ST6GAL2: variants seen among roughly 807,000 people sequenced by gnomAD.
The protein encoded by ST6GAL2 is beta-galactoside alpha-2,6-sialyltransferase 2.
Under a neutral mutation model 37.5 loss-of-function variants are expected in ST6GAL2, and 24 were observed. That is an observed-to-expected ratio of 0.64 (90% CI 0.46 to 0.90). ST6GAL2 has a LOEUF of 0.90. Among genes scored for constraint, ST6GAL2 ranks in the 40% least tolerant of loss-of-function variants. ST6GAL2 has a pLI of 0.00. For missense variants in ST6GAL2, 715 were observed against 712.7 expected, an observed-to-expected ratio of 1.00 and a Z score of -0.04; for synonymous variants, 306 against 295.1, an observed-to-expected ratio of 1.04 and a Z score of -0.38.
rs576219212 is a variant in ST6GAL2, at chr2:106,807,870, C to T, written c.1319-921G>A. ...CAATCTCCTGACCTCCTGCTCCCCC[C>T]ACCTCGGCCTCTCAAAGTGCTGGGA... On this transcript the variant is annotated intron_variant, in intron 5 of 5. Coordinates refer to ENST00000409382, the MANE Select transcript of ST6GAL2 (RefSeq NM_001142351.2). Among the ~76,000 whole-genome samples the T allele has an allele frequency of 1.9e-3, 296 of 152,196 alleles. 2 individuals carry two copies. The highest frequency in any genetic ancestry group is 1.9e-3 in the Non-Finnish European group (130 of 68,002).
At chr2:106,847,596 C>T (rs572697702) in intron 1 of ST6GAL2, among the ~76,000 whole-genome samples, 1 of 152,276 alleles carries the variant, frequency 6.6e-6, no homozygotes, top group South Asian at 2.1e-4. Flanking sequence ...CTTGCTAGCT[C>T]TGTGGTTCTG....
At chr2:106,859,162 A>G (rs1573291801) in intron 1 of ST6GAL2, among the ~76,000 whole-genome samples, 2 of 152,302 alleles carry the variant, frequency 1.3e-5, no homozygotes, top group Admixed American at 1.3e-4. Context: ...ACCTATGTTT[A>G]CAATGTCAAC....
intron 5 of ST6GAL2, among the ~76,000 whole-genome samples, chr2:106,818,063 A>G (rs1486391017): frequency 6.6e-6 from 1 of 152,082 alleles, no homozygotes; most frequent in Non-Finnish European, 1.5e-5. Flanking sequence ...TAAATACAAT[A>G]CCAGGTAGAA....
At position 106,806,642 on chromosome 2, in the gene ST6GAL2, G is replaced by A; in HGVS notation, c.*36C>T. The A allele has an allele frequency of 6.3e-7, 1 of 1,598,196 alleles. No individual in the cohort carries two copies. Among genetic ancestry groups the A allele is most frequent in the East Asian group, 2.2e-5 (1 of 44,706 alleles). ...TTTTGTGACTTTGAGTACAACAGTA[G>A]TACCTTATTGCACATTGATTCCCAA... is the stretch of plus-strand genomic sequence containing the variant. On this transcript the variant is annotated 3_prime_UTR_variant, in exon 6 of 6. Transcript: ENST00000409382.
intron 5 of ST6GAL2, among the ~76,000 whole-genome samples, chr2:106,811,762 A>G (rs1237235729): frequency 1.3e-5 from 2 of 152,202 alleles, no homozygotes; most frequent in Non-Finnish European, 2.9e-5. Context: ...ACCACCATTA[A>G]GGTCCTGTGT....
chr2:106,846,588 C>T (rs540739952), intron 1 of ST6GAL2, among the ~76,000 whole-genome samples: 26 of 152,324 alleles, frequency 1.7e-4, no homozygotes, highest in Admixed American at 1.5e-3. Flanking sequence ...TCAGATAAGA[C>T]TCTAGCATCT....
chr2:106,879,698 T>C (rs1287841017), intron 1 of ST6GAL2, among the ~76,000 whole-genome samples: 1 of 147,914 alleles, frequency 6.8e-6, no homozygotes, highest in Admixed American at 6.8e-5. Context: ...AATTATATAT[T>C]ATTATATAGA....
intron 1 of ST6GAL2, among the ~76,000 whole-genome samples, chr2:106,860,284 G>A (rs1677744880): frequency 6.6e-6 from 1 of 152,082 alleles, no homozygotes; most frequent in Admixed American, 6.6e-5. Flanking sequence ...TGTCTTTCTG[G>A]CTGACCATGC....
At chr2:106,838,387 A>G (rs1161859511) in intron 2 of ST6GAL2, among the ~76,000 whole-genome samples, 1 of 152,182 alleles carries the variant, frequency 6.6e-6, no homozygotes, top group Admixed American at 6.5e-5. Context: ...ACAGCAGGAG[A>G]GCAAGCCTCC....
intron 1 of ST6GAL2, among the ~76,000 whole-genome samples, chr2:106,858,417 A>G (rs1241583723): frequency 6.6e-6 from 1 of 152,222 alleles, no homozygotes; most frequent in East Asian, 1.9e-4. Context: ...CTCCATTCAC[A>G]GTGATAAACA....
At chr2:106,872,994 T>C (rs1274603097) in intron 1 of ST6GAL2, among the ~76,000 whole-genome samples, 1 of 152,136 alleles carries the variant, frequency 6.6e-6, no homozygotes, top group Non-Finnish European at 1.5e-5. Context: ...AGCCTTGCCT[T>C]TGGGAGGTTG....
intron 5 of ST6GAL2, among the ~76,000 whole-genome samples, chr2:106,826,905 A>G (rs145254794): frequency 3.6e-3 from 542 of 152,324 alleles, no homozygotes; most frequent in African/African-American, 0.013. Flanking sequence ...TTTCACCTCC[A>G]GTGCAGCCCT....
intron 3 of ST6GAL2, 61 bp from the exon 4 acceptor site, chr2:106,832,727 A>T (rs1362709009): frequency 1.4e-5 from 15 of 1,081,340 alleles, no homozygotes; most frequent in Non-Finnish European, 1.7e-5. Flanking sequence ...ATTGCATTTT[A>T]AAAAGAGGTG....
intron 1 of ST6GAL2, among the ~76,000 whole-genome samples, chr2:106,877,008 G>C (rs948949417): frequency 6.6e-6 from 1 of 152,126 alleles, no homozygotes; most frequent in Non-Finnish European, 1.5e-5. Context: ...TGGTAGGTGG[G>C]GGAAAGTAAA....
intron 2 of ST6GAL2, among the ~76,000 whole-genome samples, chr2:106,837,943 G>T (rs764885400): frequency 2.8e-4 from 42 of 152,110 alleles, no homozygotes; most frequent in Non-Finnish European, 5.0e-4. Context: ...AGGGAGGCAG[G>T]GTCATGTAGG....
At chr2:106,831,769 C>G (rs1676435009) in intron 4 of ST6GAL2, among the ~76,000 whole-genome samples, 2 of 152,164 alleles carry the variant, frequency 1.3e-5, no homozygotes, top group Admixed American at 6.5e-5. Flanking sequence ...GAGGTTACCT[C>G]TCACAGAAGC....
intron 1 of ST6GAL2, among the ~76,000 whole-genome samples, chr2:106,872,159 T>C (rs995908018): frequency 6.6e-6 from 1 of 152,234 alleles, no homozygotes; most frequent in Non-Finnish European, 1.5e-5. Flanking sequence ...GACCCCTGTG[T>C]TATATGTCGT....
intron 5 of ST6GAL2, among the ~76,000 whole-genome samples, chr2:106,825,853 A>G (rs1676180913): frequency 6.6e-6 from 1 of 152,212 alleles, no homozygotes; most frequent in African/African-American, 2.4e-5. Flanking sequence ...GCACACAGGA[A>G]GTGTGCAATT....
intron 5 of ST6GAL2, among the ~76,000 whole-genome samples, chr2:106,819,715 T>C (rs1675928787): frequency 6.6e-6 from 1 of 151,990 alleles, no homozygotes. Flanking sequence ...TTATAATAAT[T>C]ATAGCCTGTA....
Sources: gnomAD v4.1 joint callset for allele counts (sites outside exome capture counted in the v4.1 genomes callset) on GRCh38, gnomAD v4.1.1 for gene constraint, MANE v1.5 for transcripts, NCBI Gene and HGNC (gene_info 2026-07-23, HGNC 2026-07-21) for gene names.